MAGI2: variants seen among roughly 807,000 people sequenced by gnomAD.
The protein encoded by MAGI2 is membrane-associated guanylate kinase, WW and PDZ domain-containing protein 2.
MAGI2 carries 35 observed loss-of-function variants against 133.3 expected under a neutral mutation model. The observed-to-expected ratio is 0.26, with a 90% confidence interval of 0.20 to 0.35. The LOEUF (loss-of-function observed/expected upper bound fraction) is 0.35, where lower values mean the gene tolerates loss of function less well. Among genes scored for constraint, MAGI2 ranks in the 10% least tolerant of loss-of-function variants. The probability of loss-of-function intolerance (pLI) is 1.00; values close to 1 mark genes in which losing one functional copy is unlikely to be tolerated. For synonymous variants in MAGI2, 729 were observed against 710.6 expected (o/e 1.03, Z -0.41); for missense variants, 1,636 against 1,863.4 (o/e 0.88, Z 2.25).
chr7:79,031,697 G>T (rs1296166130), intron 1 of MAGI2, among the ~76,000 whole-genome samples: 1 of 151,998 alleles, frequency 6.6e-6, no homozygotes, highest in Non-Finnish European at 1.5e-5. Context: ...ACTGAATTTG[G>T]CTTCCCGATG....
intron 2 of MAGI2, among the ~76,000 whole-genome samples, chr7:78,994,555 A>G (rs1806099309): frequency 6.6e-6 from 1 of 152,112 alleles, no homozygotes; most frequent in Non-Finnish European, 1.5e-5. Flanking sequence ...GCCTCCTAAG[A>G]TTTGCTCAAA....
intron 6 of MAGI2, among the ~76,000 whole-genome samples, chr7:78,446,974 ATCAG>A: frequency 6.6e-6 from 1 of 152,182 alleles, no homozygotes; most frequent in Non-Finnish European, 1.5e-5. Flanking sequence ...TCTCAGAAGG[ATCAG>A]TCATTTTGAT....
In MAGI2 at chr7:78,947,353, A is replaced by G. The variant is rs574756942; in HGVS notation, c.418+59737T>C. ...ATACTTACTGATTGCTGTGATTGAT[A>G]AGACAAACCATACCCTTAAAAACAT... On this transcript the variant is annotated intron_variant, in intron 2 of 21. Transcript: ENST00000354212. Among the ~76,000 whole-genome samples the G allele has an allele frequency of 2.6e-5, 4 of 152,218 alleles. No homozygotes were observed. In the East Asian group the frequency reaches 7.7e-4, roughly 29 times the overall value.
intron 1 of MAGI2, among the ~76,000 whole-genome samples, chr7:79,271,957 T>C (rs1180042747): frequency 6.6e-6 from 1 of 152,076 alleles, no homozygotes; most frequent in African/African-American, 2.4e-5. Flanking sequence ...TTTTGGACAT[T>C]TTAATGAGAA....
At chr7:78,672,708 T>C (rs959902538) in intron 2 of MAGI2, among the ~76,000 whole-genome samples, 1 of 152,224 alleles carries the variant, frequency 6.6e-6, no homozygotes, top group African/African-American at 2.4e-5. Flanking sequence ...CAGGAATTTG[T>C]TGGATATTAA....
intron 6 of MAGI2, among the ~76,000 whole-genome samples, chr7:78,372,187 AAC>A (rs1249123183): frequency 6.6e-6 from 1 of 152,106 alleles, no homozygotes; most frequent in Non-Finnish European, 1.5e-5. Context: ...CTAATGAAAA[AAC>A]ACAACTTTCA....
chr7:79,103,709 A>AT (rs953772026), intron 1 of MAGI2, among the ~76,000 whole-genome samples: 30 of 150,900 alleles, frequency 2.0e-4, no homozygotes, highest in African/African-American at 6.3e-4. Context: ...TTTATTTTTT[A>AT]TTTTTTTTGA....
chr7:78,246,270 A>C (rs1791768614), intron 10 of MAGI2, among the ~76,000 whole-genome samples: 1 of 152,068 alleles, frequency 6.6e-6, no homozygotes, highest in Non-Finnish European at 1.5e-5. Context: ...GTCATGTCCC[A>C]CCAGTGCCTG....
At chr7:78,218,508 A>G (rs1193472577) in intron 10 of MAGI2, among the ~76,000 whole-genome samples, 2 of 152,262 alleles carry the variant, frequency 1.3e-5, no homozygotes, top group Non-Finnish European at 2.9e-5. Flanking sequence ...TTAACAATTA[A>G]CTTTTAGTGA....
At chr7:78,939,768 G>C (rs1368181030) in intron 2 of MAGI2, 1 of 152,074 alleles carries the variant, frequency 6.6e-6, no homozygotes, top group African/African-American at 2.4e-5. Context: ...CATGTTTCTT[G>C]CATCTAACAT....
At chr7:79,298,884 C>A (rs10229848) in intron 1 of MAGI2, among the ~76,000 whole-genome samples, 3,318 of 152,198 alleles carry the variant, frequency 0.022, 98 homozygotes, top group African/African-American at 0.076. Context: ...GATATCTACA[C>A]GCCAAGAAGA....
At chr7:79,369,801 C>T (rs998978919) in intron 1 of MAGI2, among the ~76,000 whole-genome samples, 66 of 151,894 alleles carry the variant, frequency 4.3e-4, no homozygotes, top group African/African-American at 1.4e-3. Flanking sequence ...ATCCACTGCA[C>T]GAATTAATAG....
chr7:79,446,103 G>A (rs1208378941), intron 1 of MAGI2, among the ~76,000 whole-genome samples: 1 of 152,144 alleles, frequency 6.6e-6, no homozygotes, highest in Non-Finnish European at 1.5e-5. Context: ...ACTCATAGGT[G>A]GGACCTGAAC....
At chr7:79,359,310 G>T (rs1387362655) in intron 1 of MAGI2, among the ~76,000 whole-genome samples, 4 of 151,988 alleles carry the variant, frequency 2.6e-5, no homozygotes, top group Non-Finnish European at 5.9e-5. Flanking sequence ...ACAGTAGAGA[G>T]AAAATAAACT....
At chr7:78,025,133 C>G (rs1000334933) in intron 21 of MAGI2, among the ~76,000 whole-genome samples, 1 of 152,242 alleles carries the variant, frequency 6.6e-6, no homozygotes, top group Non-Finnish European at 1.5e-5. Context: ...ATTCTCCACC[C>G]ACACTGGTCT....
intron 2 of MAGI2, among the ~76,000 whole-genome samples, chr7:78,657,022 A>T (rs1176692112): frequency 6.6e-6 from 1 of 151,742 alleles, no homozygotes; most frequent in Non-Finnish European, 1.5e-5. Flanking sequence ...GGCCAAACAC[A>T]TTAACAGATA....
intron 3 of MAGI2, among the ~76,000 whole-genome samples, chr7:78,595,643 A>G (rs1804514323): frequency 6.6e-6 from 1 of 152,196 alleles, no homozygotes; most frequent in African/African-American, 2.4e-5. Context: ...CAATCAGCAT[A>G]ATGAGAATTA....
In MAGI2 at chr7:78,330,486, G is replaced by A. The variant is rs890013699; in HGVS notation, c.1408+13292C>T. On this transcript the variant is annotated intron_variant, in intron 9 of 21. Transcript: ENST00000354212. ...CAAAAAATTAGCCGGGCGAGGTGGC[G>A]GGCGCCTGTAGTCCCAGCTACTCCG... Among the ~76,000 whole-genome samples, 6 of 89,804 alleles carry A rather than the reference G, an allele frequency of 6.7e-5. 1 individual carries two copies. The highest frequency in any genetic ancestry group is 2.9e-4 in the African/African-American group (6 of 20,746). 58.9% of individuals were successfully genotyped at this position (89,804 alleles called of 152,430 possible).
intron 1 of MAGI2, among the ~76,000 whole-genome samples, chr7:79,107,663 G>A (rs992995466): frequency 6.6e-6 from 1 of 152,130 alleles, no homozygotes; most frequent in African/African-American, 2.4e-5. Flanking sequence ...AAATTCTTAT[G>A]CATACTCCAT....
Sources: allele counts gnomAD v4.1 joint callset (sites outside exome capture counted in the v4.1 genomes callset), GRCh38; gene constraint gnomAD v4.1.1; transcripts MANE v1.5; gene names NCBI Gene and HGNC (gene_info 2026-07-23, HGNC 2026-07-21).